The following ANK2 variants were observed in gnomAD, a reference collection of about 807,000 sequenced individuals.
ANK2 encodes the protein ankyrin 2.
A neutral mutation model predicts 360.5 loss-of-function variants in ANK2; 83 were observed. The ratio of observed to expected loss-of-function variants is 0.23; its 90% confidence interval spans 0.19 to 0.28. The LOEUF (loss-of-function observed/expected upper bound fraction) is 0.28. Ranked by LOEUF, ANK2 falls within the 10% of genes least tolerant of loss-of-function variation. The probability of loss-of-function intolerance (pLI) is 1.00; values close to 1 mark genes in which losing one functional copy is unlikely to be tolerated. For missense variants in ANK2, 4,201 were observed against 4,795.7 expected (o/e 0.88, Z 3.66); for synonymous variants, 1,740 against 1,759.5 (o/e 0.99, Z 0.28).
At chr4:113,222,572 A>C (rs2099163761) in intron 4 of ANK2, among the ~76,000 whole-genome samples, 1 of 152,034 alleles carries the variant, frequency 6.6e-6, no homozygotes, top group Admixed American at 6.6e-5. Flanking sequence ...GAGGGAGTAA[A>C]AAGAGTACTG....
chr4:112,712,055 CAT>C, the ANK2 span, among the ~76,000 whole-genome samples: 1,066 of 146,288 alleles, frequency 7.3e-3, 10 homozygotes, highest in African/African-American at 0.011. Context: ...CACACACACA[CAT>C]ATATATATAT....
At chr4:113,131,703 G>A (rs1022856098) in intron 1 of ANK2, among the ~76,000 whole-genome samples, 6 of 152,130 alleles carry the variant, frequency 3.9e-5, no homozygotes, top group African/African-American at 1.4e-4. Context: ...AACACCAAAG[G>A]CACAATTGTG....
At chr4:113,047,794 G>A (rs1354403173), upstream of ANK2, among the ~76,000 whole-genome samples, 1 of 152,112 alleles carries the variant, frequency 6.6e-6, no homozygotes, top group Non-Finnish European at 1.5e-5. Context: ...CAGGAGGAGG[G>A]TGGAGGGAGT....
chr4:113,132,968 A>G (rs1051680855), intron 1 of ANK2, among the ~76,000 whole-genome samples: 1 of 152,182 alleles, frequency 6.6e-6, no homozygotes, highest in African/African-American at 2.4e-5. Flanking sequence ...AAACCTCTTC[A>G]TGGCAGCCCT....
chr4:112,711,751 C>T, the ANK2 span, among the ~76,000 whole-genome samples: 10 of 150,906 alleles, frequency 6.6e-5, no homozygotes, highest in Non-Finnish European at 1.3e-4. Context: ...ACCCAGGAGA[C>T]GGAGGTTGCA....
At chr4:113,340,570 C>T (rs1156360675) in intron 32 of ANK2, among the ~76,000 whole-genome samples, 1 of 152,118 alleles carries the variant, frequency 6.6e-6, no homozygotes, top group African/African-American at 2.4e-5. Context: ...GTGGCACACA[C>T]CTGTAGTCCT....
the ANK2 span, among the ~76,000 whole-genome samples, chr4:112,747,597 T>C: frequency 6.6e-6 from 1 of 152,192 alleles, no homozygotes; most frequent in Non-Finnish European, 1.5e-5. Context: ...GTGGATTCAT[T>C]TTTCAAATTG....
In ANK2 at chr4:113,353,435, A is replaced by G. The variant is rs934409093; in HGVS notation, c.4817A>G (p.Lys1606Arg). The G allele has an allele frequency of 1.2e-6, 2 of 1,613,954 alleles. No individual in the cohort carries two copies. The highest frequency in any genetic ancestry group is 1.3e-5 in the African/African-American group (1 of 74,928). Residue 1606 changes from lysine (K) to arginine (R), a missense_variant, in exon 38 of 46, where the codon AAA becomes AGA. Lys to Arg is a conservative substitution (Grantham distance 26). Coordinates refer to ENST00000357077, the MANE Select transcript of ANK2 (RefSeq NM_001148.6). The part of the protein sequence containing the change: ...SDEEIEEARQ[K>R]APLEITEYPC... ...GAGGAAATAGAAGAGGCTAGGCAAA[A>G]AGCACCTTTAGAAATCACTGAATAT...
At chr4:113,127,247 T>C (rs1416866289) in intron 1 of ANK2, among the ~76,000 whole-genome samples, 1 of 152,124 alleles carries the variant, frequency 6.6e-6, no homozygotes, top group Non-Finnish European at 1.5e-5. Context: ...ATATATATAA[T>C]TCAGGGTATT....
In ANK2 at chr4:112,952,603, G is replaced by A. The variant is rs926486010; in HGVS notation, c.21+48089G>A. ...ACATGTTAAGGAAGAGTAATACCATGATGTAATCCTACTCTTCCTTAACAT... is the reference window on the plus strand; with the variant it reads ...ACATGTTAAGGAAGAGTAATACCATAATGTAATCCTACTCTTCCTTAACAT... On this transcript the variant is annotated intron_variant, in intron 2 of 30. Transcript: ENST00000503271. Among the ~76,000 whole-genome samples, 5 of 152,208 alleles carry A rather than the reference G, an allele frequency of 3.3e-5. 1 individual carries two copies. Among genetic ancestry groups the A allele is most frequent in the African/African-American group, 7.2e-5 (3 of 41,550 alleles).
At chr4:113,335,482 A>C (rs1049690454) in intron 29 of ANK2, among the ~76,000 whole-genome samples, 1 of 152,202 alleles carries the variant, frequency 6.6e-6, no homozygotes, top group Non-Finnish European at 1.5e-5. Flanking sequence ...CTTCCTTTCC[A>C]TCACATGAAC....
intron 20 of ANK2, among the ~76,000 whole-genome samples, chr4:113,290,161 AG>A (rs758084933): frequency 6.8e-6 from 1 of 148,090 alleles, no homozygotes; most frequent in South Asian, 2.1e-4. Flanking sequence ...TTATCATTTC[AG>A]TTTTTTTTGT....
intron 2 of ANK2, among the ~76,000 whole-genome samples, chr4:113,000,537 A>G (rs1488945467): frequency 6.6e-6 from 1 of 152,126 alleles, no homozygotes; most frequent in African/African-American, 2.4e-5. Flanking sequence ...TGTTTCCCCC[A>G]TTTTACTACG....
the ANK2 span, among the ~76,000 whole-genome samples, chr4:112,796,500 CT>C: frequency 1.3e-5 from 2 of 149,068 alleles, no homozygotes; most frequent in Non-Finnish European, 3.0e-5. Flanking sequence ...TAAAACTTAC[CT>C]TTTTAACTAT....
At chr4:112,902,127 G>A (rs1035124552) in intron 1 of ANK2, among the ~76,000 whole-genome samples, 1 of 152,180 alleles carries the variant, frequency 6.6e-6, no homozygotes, top group African/African-American at 2.4e-5. Flanking sequence ...AAAAGCCCAG[G>A]AACTGGTTTT....
At chr4:113,351,437 T>C (rs1372863134) in intron 37 of ANK2, among the ~76,000 whole-genome samples, 1 of 152,180 alleles carries the variant, frequency 6.6e-6, no homozygotes, top group Non-Finnish European at 1.5e-5. Flanking sequence ...GTTTATATAA[T>C]TGAACAAATT....
At position 112,979,431 on chromosome 4, in the gene ANK2, G is replaced by A. The variant is rs969772523; in HGVS notation, c.21+74917G>A. 3.3e-5 allele frequency among the ~76,000 whole-genome samples: 5 copies of A among 152,278 alleles called. No individual in the cohort carries two copies. In the South Asian group the frequency reaches 6.2e-4, roughly 19 times the overall value. ...AAAGATGGTGTCACAGCCCTCGCTCGGAGAGCCCCTAGGTCTGGGCTCCCC... is the reference window on the plus strand; with the variant it reads ...AAAGATGGTGTCACAGCCCTCGCTCAGAGAGCCCCTAGGTCTGGGCTCCCC... On this transcript the variant is annotated intron_variant, in intron 2 of 30. Transcript: ENST00000503271.
the ANK2 span, among the ~76,000 whole-genome samples, chr4:112,712,243 C>T: frequency 6.7e-6 from 1 of 149,960 alleles, no homozygotes; most frequent in Non-Finnish European, 1.5e-5. Context: ...CCATGCCTGA[C>T]TAATTTTTGT....
intron 4 of ANK2, among the ~76,000 whole-genome samples, chr4:113,220,115 C>T (rs1483866841): frequency 1.3e-5 from 2 of 152,122 alleles, no homozygotes; most frequent in African/African-American, 2.4e-5. Flanking sequence ...GTCCTAGGAT[C>T]GGAACCACAC....
Sources: allele counts gnomAD v4.1 joint callset (sites outside exome capture counted in the v4.1 genomes callset), GRCh38; gene constraint gnomAD v4.1.1; transcripts MANE v1.5; gene names NCBI Gene and HGNC (gene_info 2026-07-23, HGNC 2026-07-21).